Variants in TOM1L2 observed in about 807,000 individuals in gnomAD.
TOM1L2 encodes the protein TOM1-like protein 2.
TOM1L2 carries 31 observed loss-of-function variants against 67.9 expected under a neutral mutation model. The ratio of observed to expected loss-of-function variants is 0.46; its 90% CI spans 0.34 to 0.62. The LOEUF is 0.62. Among genes scored for constraint, TOM1L2 ranks in the 20% least tolerant of loss-of-function variants. The probability of loss-of-function intolerance (pLI) is 0.01; values close to 1 mark genes in which losing one functional copy is unlikely to be tolerated. For missense variants in TOM1L2, 606 were observed against 663.5 expected (o/e 0.91, Z 0.95); for synonymous variants, 256 against 254.0 (o/e 1.01, Z -0.07).
intron 5 of TOM1L2, among the ~76,000 whole-genome samples, chr17:17,883,101 CA>C (rs1427710001): frequency 6.6e-6 from 1 of 152,128 alleles, no homozygotes; most frequent in Non-Finnish European, 1.5e-5. Flanking sequence ...TGTGGCAGAC[CA>C]ATGAAAGCAA....
intron 12 of TOM1L2, among the ~76,000 whole-genome samples, chr17:17,853,894 T>C (rs759581127): frequency 4.6e-5 from 7 of 152,252 alleles, no homozygotes; most frequent in Admixed American, 2.6e-4. Context: ...AGGCGATTGC[T>C]AGATTGTATT....
At chr17:17,856,329 G>T (rs1307766007) in intron 12 of TOM1L2, among the ~76,000 whole-genome samples, 1 of 152,280 alleles carries the variant, frequency 6.6e-6, no homozygotes, top group Non-Finnish European at 1.5e-5. Context: ...GAATGGGCTT[G>T]GGGTCTAGTG....
At chr17:17,943,047 C>G (rs1048464658) in intron 1 of TOM1L2, among the ~76,000 whole-genome samples, 9 of 152,086 alleles carry the variant, frequency 5.9e-5, no homozygotes, top group Non-Finnish European at 1.2e-4. Context: ...TTAGATGAAA[C>G]AAGATTGGAT....
intron 7 of TOM1L2, among the ~76,000 whole-genome samples, chr17:17,871,715 C>T (rs1294915400): frequency 2.6e-5 from 4 of 152,058 alleles, no homozygotes; most frequent in Admixed American, 6.6e-5. Context: ...CTCTTGGTCC[C>T]CGCAAATTAC....
intron 1 of TOM1L2, among the ~76,000 whole-genome samples, chr17:17,914,510 G>C (rs769848024): frequency 1.3e-5 from 2 of 152,180 alleles, no homozygotes; most frequent in African/African-American, 4.8e-5. Context: ...GGGCAGAGAG[G>C]GGGTATGGCA....
In TOM1L2 at chr17:17,917,684, C is replaced by CAGGCATGGTAGGT. The variant is rs57451875; in HGVS notation, c.53-10154_53-10153insACCTACCATGCCT. Among the ~76,000 whole-genome samples, 8 of 151,292 alleles carry CAGGCATGGTAGGT rather than the reference C, an allele frequency of 5.3e-5. No homozygotes were observed. In the South Asian group the frequency reaches 1.7e-3, roughly 32 times the overall value. On this transcript the variant is annotated intron_variant, in intron 1 of 14. Transcript: ENST00000379504. ...TCTTAAAAATATTAGCTTCCCAGGC[C>CAGGCATGGTAGGT]AGCTCATGCCTGTAAATCCCATCAC... is the stretch of plus-strand genomic sequence containing the variant.
chr17:17,901,182 CG>C (rs1349959650), intron 2 of TOM1L2, among the ~76,000 whole-genome samples: 1 of 152,108 alleles, frequency 6.6e-6, no homozygotes, highest in Non-Finnish European at 1.5e-5. Flanking sequence ...TCTCTCTCCC[CG>C]GGGGAAAAGC....
chr17:17,861,409 G>T, intron 12 of TOM1L2, 67 bp downstream of exon 12: 1 of 1,500,628 alleles, frequency 6.7e-7, no homozygotes, highest in Non-Finnish European at 9.3e-7. Context: ...TACCCAGCCA[G>T]CTTTGCCAAA....
chr17:17,862,942 G>GGT, intron 10 of TOM1L2, 94 bp from the exon 11 acceptor site: 3 of 282,802 alleles, frequency 1.1e-5, no homozygotes, highest in Non-Finnish European at 2.1e-5. Flanking sequence ...AGCCAGGTGG[G>GGT]TTTAGGTTCC....
chr17:17,892,595 C>T (rs2038345535), intron 4 of TOM1L2, among the ~76,000 whole-genome samples: 1 of 152,114 alleles, frequency 6.6e-6, no homozygotes, highest in Non-Finnish European at 1.5e-5. Flanking sequence ...TCCTTCTGGT[C>T]CCATCTCCTG....
intron 1 of TOM1L2, among the ~76,000 whole-genome samples, chr17:17,949,319 T>C (rs907936475): frequency 1.3e-5 from 2 of 152,128 alleles, no homozygotes; most frequent in African/African-American, 4.8e-5. Context: ...CGGCAGAGCA[T>C]AGAGCATAGG....
chr17:17,939,046 G>C (rs978259809), intron 1 of TOM1L2, among the ~76,000 whole-genome samples: 12 of 152,206 alleles, frequency 7.9e-5, no homozygotes, highest in African/African-American at 2.7e-4. Flanking sequence ...CAGCTACTCA[G>C]TAATGGGATG....
chr17:17,883,996 A>G (rs1568161805), intron 5 of TOM1L2, among the ~76,000 whole-genome samples: 1 of 152,104 alleles, frequency 6.6e-6, no homozygotes, highest in South Asian at 2.1e-4. Flanking sequence ...TTGAGAAACC[A>G]TGAGGCATGA....
intron 12 of TOM1L2, among the ~76,000 whole-genome samples, chr17:17,854,550 A>C (rs891530072): frequency 6.6e-6 from 1 of 151,936 alleles, no homozygotes; most frequent in African/African-American, 2.4e-5. Context: ...TTAGAGACAG[A>C]GTCTTGCTCT....
intron 13 of TOM1L2, chr17:17,849,094 G>A: frequency 1.8e-6 from 1 of 567,038 alleles, no homozygotes. Context: ...CATGTTTTAG[G>A]TTTTGATCCT....
At chr17:17,961,658 G>A (rs1463643595) in intron 1 of TOM1L2, among the ~76,000 whole-genome samples, 1 of 152,128 alleles carries the variant, frequency 6.6e-6, no homozygotes, top group Non-Finnish European at 1.5e-5. Context: ...CGCATCATGA[G>A]GTGAGGAGAT....
intron 3 of TOM1L2, among the ~76,000 whole-genome samples, chr17:17,896,498 T>C (rs1017903750): frequency 6.6e-6 from 1 of 152,168 alleles, no homozygotes; most frequent in Non-Finnish European, 1.5e-5. Flanking sequence ...TGTCCCAGCC[T>C]GGTCTTGGAA....
rs2037801047 is a variant in TOM1L2 at position 17,882,846 on chromosome 17, A to T, written c.519T>A (p.Asp173Glu). Residue 173 changes from aspartate to glutamate, a missense_variant, in exon 6 of 15, where the codon GAT becomes GAA. Physicochemically the swap from Asp to Glu is conservative, Grantham distance 45. Coordinates refer to ENST00000379504, the MANE Select transcript of TOM1L2 (RefSeq NM_001082968.2). ...GGGACCTGGGCATGGTCGCAGCTGGATCCACTTCAGGGACACTCTGGCATG... is the reference window on the plus strand; with the variant it reads ...GGGACCTGGGCATGGTCGCAGCTGGTTCCACTTCAGGGACACTCTGGCATG... ...HTPQRSVPEV[D>E]PAATMPRSQS... 1 of 1,614,080 alleles carries T rather than the reference A, an allele frequency of 6.2e-7. No individual in the cohort carries two copies. The highest frequency in any genetic ancestry group is 8.5e-7 in the Non-Finnish European group (1 of 1,180,008).
chr17:17,956,472 C>T (rs1236319921), intron 1 of TOM1L2, among the ~76,000 whole-genome samples: 2 of 152,228 alleles, frequency 1.3e-5, no homozygotes, highest in Non-Finnish European at 2.9e-5. Flanking sequence ...GTGGAGCTGC[C>T]TGCCAGTCCC....
Sources: allele counts gnomAD v4.1 joint callset (sites outside exome capture counted in the v4.1 genomes callset), GRCh38; gene constraint gnomAD v4.1.1; transcripts MANE v1.5; gene names NCBI Gene and HGNC (gene_info 2026-07-23, HGNC 2026-07-21).